Variants in FAM222A observed in about 807,000 individuals in gnomAD.
FAM222A encodes the protein protein FAM222A.
In FAM222A, 7 loss-of-function variants were observed where a neutral mutation model predicts 25.8. The ratio of observed to expected loss-of-function variants is 0.27; its 90% confidence interval spans 0.15 to 0.51. The LOEUF (loss-of-function observed/expected upper bound fraction) is 0.51. Ranked by LOEUF, FAM222A falls within the 20% of genes least tolerant of loss-of-function variation. The probability of loss-of-function intolerance (pLI) is 0.97; values close to 1 mark genes in which losing one functional copy is unlikely to be tolerated. For missense variants in FAM222A, 573 were observed against 640.5 expected, an observed-to-expected ratio of 0.89 and a Z score of 1.14; for synonymous variants, 294 against 298.8, an observed-to-expected ratio of 0.98 and a Z score of 0.17.
chr12:109,757,847 G>A (rs867772911), intron 2 of FAM222A, among the ~76,000 whole-genome samples: 4 of 152,210 alleles, frequency 2.6e-5, no homozygotes, highest in African/African-American at 9.7e-5. Flanking sequence ...TGGAGAAGGC[G>A]AGAGATGAGG....
rs763547106 is a variant in FAM222A, at chr12:109,768,939, C to T, written c.1010C>T (p.Thr337Ile). The change falls in exon 3 of 3, where the codon ACC becomes ATC. Residue 337 changes from threonine (T) to isoleucine (I), a missense_variant. Coordinates refer to ENST00000538780, the MANE Select transcript of FAM222A (RefSeq NM_032829.3). ...CTCAACTGTGGCGTGGGGCTGCCCA[C>T]CAGCTTCACCGTAGGCCAGTACTTT... ...SPLNCGVGLPTSFTVGQYFAA... is the reference protein window; with the variant it reads ...SPLNCGVGLPISFTVGQYFAA... 6.4e-7 allele frequency: 1 copy of T among 1,574,700 alleles called. No homozygotes were observed. Among genetic ancestry groups the T allele is most frequent in the East Asian group, 2.3e-5 (1 of 43,034 alleles).
chr12:109,765,750 A>C (rs1053260677), intron 2 of FAM222A, among the ~76,000 whole-genome samples: 6 of 152,262 alleles, frequency 3.9e-5, no homozygotes, highest in Non-Finnish European at 8.8e-5. Flanking sequence ...ATCAGTGGGG[A>C]GGTAGCAGGG....
In FAM222A at chr12:109,722,785, C is replaced by A. The variant is rs562896551; in HGVS notation, c.-47+7888C>A. On this transcript the variant is annotated intron_variant, in intron 1 of 2. Coordinates refer to ENST00000538780, the MANE Select transcript of FAM222A (RefSeq NM_032829.3). ...CTTGGGGGGATGAAAGATGAAGGTT[C>A]GTGACCATTTTTTAACTCAATAAAG... The A allele has an allele frequency of 2.0e-5, 3 of 152,200 alleles. No homozygotes were observed. The South Asian group carries it at 6.2e-4, about 32-fold the overall frequency. The allele number at this position is 152,200 out of a possible 1,614,324, so 9.4% of individuals were successfully genotyped here. A position where few individuals can be genotyped will look rare whatever the true frequency, so the allele number is the denominator to read the frequency against.
intron 2 of FAM222A, among the ~76,000 whole-genome samples, chr12:109,761,389 G>A (rs1888891420): frequency 6.6e-6 from 1 of 152,194 alleles, no homozygotes. Flanking sequence ...AGGAGGACAG[G>A]GAGCTGTGCG....
rs775255286 is a variant in FAM222A, at chr12:109,758,698, T to C, written c.83-9314T>C. On this transcript the variant is annotated intron_variant, in intron 2 of 2. Coordinates refer to ENST00000538780, the MANE Select transcript of FAM222A (RefSeq NM_032829.3). ...GGATTCTGCCTCTGCCACCAGCTAA[T>C]TAGTGTCACGTTAATTGAGCATTCA... is the stretch of plus-strand genomic sequence containing the variant. Among the ~76,000 whole-genome samples the C allele has an allele frequency of 5.3e-5, 8 of 152,162 alleles. No individual in the cohort carries two copies. The East Asian group carries it at 1.3e-3, about 26-fold the overall frequency.
chr12:109,720,532 T>C (rs1887728341), intron 1 of FAM222A, among the ~76,000 whole-genome samples: 1 of 152,220 alleles, frequency 6.6e-6, no homozygotes. Flanking sequence ...CATCTGCAGA[T>C]CTCCGTCTCT....
At chr12:109,742,745 C>T (rs910964684) in intron 1 of FAM222A, among the ~76,000 whole-genome samples, 10 of 152,016 alleles carry the variant, frequency 6.6e-5, no homozygotes, top group South Asian at 4.2e-4. Context: ...AAGGTGGTTA[C>T]GCGATTGTCT....
At chr12:109,742,345 C>T (rs1470507974) in intron 1 of FAM222A, among the ~76,000 whole-genome samples, 1 of 152,234 alleles carries the variant, frequency 6.6e-6, no homozygotes, top group Non-Finnish European at 1.5e-5. Flanking sequence ...CACCTGCTCA[C>T]ATTCCAAGTC....
intron 2 of FAM222A, among the ~76,000 whole-genome samples, chr12:109,758,744 G>T (rs1888804777): frequency 6.6e-6 from 1 of 152,188 alleles, no homozygotes; most frequent in Non-Finnish European, 1.5e-5. Flanking sequence ...ACCTCCAAGG[G>T]CAGAGTGTGG....
intron 1 of FAM222A, among the ~76,000 whole-genome samples, chr12:109,732,223 G>A (rs10850634): frequency 0.35 from 53,931 of 152,142 alleles, 10,166 homozygotes; most frequent in Non-Finnish European, 0.44. Flanking sequence ...CTGAGTGCCG[G>A]GTGGGAGGAG....
chr12:109,742,420 C>T (rs1307066257), intron 1 of FAM222A, among the ~76,000 whole-genome samples: 1 of 152,266 alleles, frequency 6.6e-6, no homozygotes, highest in East Asian at 1.9e-4. Flanking sequence ...ATAAGCCCCA[C>T]TTCATTCCCT....
At chr12:109,755,393 A>G (rs746439809) in intron 2 of FAM222A, among the ~76,000 whole-genome samples, 12 of 142,410 alleles carry the variant, frequency 8.4e-5, no homozygotes, top group Non-Finnish European at 1.5e-4. Context: ...GCTCACCGCA[A>G]TCTCGGCTCA....
At chr12:109,761,540 T>C (rs1375229585) in intron 2 of FAM222A, among the ~76,000 whole-genome samples, 1 of 152,206 alleles carries the variant, frequency 6.6e-6, no homozygotes, top group South Asian at 2.1e-4. Flanking sequence ...TGGGGCTTGT[T>C]CCTTCACACC....
In FAM222A at chr12:109,768,671, G is replaced by A. The variant is rs1889140369; in HGVS notation, c.742G>A (p.Ala248Thr). Reference sequence around the variant, plus strand: ...CCCCAGCATGGCCTACTCGGCTGCAGCCGGTCTGCCCGACTGCCGGAAAGG... The same window carrying A: ...CCCCAGCATGGCCTACTCGGCTGCAACCGGTCTGCCCGACTGCCGGAAAGG... ...SFPSMAYSAA[A>T]GLPDCRKGTE... The change falls in exon 3 of 3, where the codon GCC becomes ACC. Residue 248 changes from alanine to threonine, a missense_variant. Ala to Thr is a moderately conservative substitution (Grantham distance 58). This residue lies in a region of FAM222A where 412 missense variants were observed against 407.0 expected (regional missense o/e 1.01). Coordinates refer to ENST00000538780, the MANE Select transcript of FAM222A (RefSeq NM_032829.3). The A allele has an allele frequency of 6.3e-7, 1 of 1,595,402 alleles. No individual in the cohort carries two copies. Among genetic ancestry groups the A allele is most frequent in the Non-Finnish European group, 8.5e-7 (1 of 1,176,808 alleles).
At chr12:109,763,285 C>T (rs1888950684) in intron 2 of FAM222A, among the ~76,000 whole-genome samples, 1 of 152,246 alleles carries the variant, frequency 6.6e-6, no homozygotes, top group Admixed American at 6.5e-5. Flanking sequence ...CCACTTCCTG[C>T]TCTGTACAGC....
chr12:109,718,857 G>A (rs1047111588), intron 1 of FAM222A, among the ~76,000 whole-genome samples: 1 of 152,236 alleles, frequency 6.6e-6, no homozygotes, highest in Non-Finnish European at 1.5e-5. Flanking sequence ...GGTGTAGGGA[G>A]GGAGATTCTG....
chr12:109,729,537 G>T (rs1198320765), intron 1 of FAM222A, among the ~76,000 whole-genome samples: 1 of 152,212 alleles, frequency 6.6e-6, no homozygotes. Context: ...CAGCAGCCTC[G>T]CCAAGACTTC....
chr12:109,768,305 C>T lies in FAM222A; in HGVS notation c.376C>T (p.Leu126Phe). Residue 126 changes from leucine to phenylalanine, a missense_variant, in exon 3 of 3, where the codon CTC (leucine) becomes TTC (phenylalanine). Leu to Phe is a conservative substitution (Grantham distance 22, BLOSUM62 0). Coordinates refer to ENST00000538780, the MANE Select transcript of FAM222A (RefSeq NM_032829.3). ...AAPAGPAKSV[L>F]KSAEGKRTKL... is the part of the protein sequence containing the mutation. ...ACCAGCTGGGCCCGCCAAAAGTGTG[C>T]TCAAGAGCGCCGAGGGCAAGCGGAC... The T allele has an allele frequency of 1.9e-6, 3 of 1,606,442 alleles. No individual in the cohort carries two copies. The highest frequency in any genetic ancestry group is 2.5e-6 in the Non-Finnish European group (3 of 1,177,470).
chr12:109,731,245 G>T (rs114851441), intron 1 of FAM222A, among the ~76,000 whole-genome samples: 2,506 of 152,164 alleles, frequency 0.016, 58 homozygotes, highest in South Asian at 0.057. Context: ...TGGTGGTGGC[G>T]GGAGGGGTAA....
Sources: allele counts gnomAD v4.1 joint callset (sites outside exome capture counted in the v4.1 genomes callset), GRCh38; gene constraint gnomAD v4.1.1; regional missense constraint gnomAD v4.1.1; transcripts MANE v1.5; gene names NCBI Gene and HGNC (gene_info 2026-07-23, HGNC 2026-07-21).